SRRM2: variants seen among roughly 807,000 people sequenced by gnomAD.
SRRM2 encodes the protein serine/arginine repetitive matrix protein 2.
In SRRM2, 30 loss-of-function variants were observed where a neutral mutation model predicts 213.8. That is an observed-to-expected ratio of 0.14 (90% CI 0.10 to 0.19). SRRM2 has a LOEUF of 0.19. Among genes scored for constraint, SRRM2 ranks in the 10% least tolerant of loss-of-function variants. The pLI is 1.00. For missense variants in SRRM2, 4,904 were observed against 3,647.0 expected, an observed-to-expected ratio of 1.34 and a Z score of -8.88; for synonymous variants, 2,025 against 1,377.7, an observed-to-expected ratio of 1.47 and a Z score of -10.40.
rs558758099 is a variant in SRRM2, at chr16:2,755,758, G to A, written c.-31-576G>A. Among the ~76,000 whole-genome samples, 4 of 152,176 alleles carry A rather than the reference G, an allele frequency of 2.6e-5. No homozygotes were observed. The South Asian group carries it at 8.3e-4, about 32-fold the overall frequency. Reference sequence around the variant, plus strand: ...CACATTCTGAACCAACTAGTCTGCTGTTCAGATACCTAGGGGCTGTGTAGT... The same window carrying A: ...CACATTCTGAACCAACTAGTCTGCTATTCAGATACCTAGGGGCTGTGTAGT... On this transcript the variant is annotated intron_variant, in intron 1 of 14. Coordinates refer to ENST00000301740, the MANE Select transcript of SRRM2 (RefSeq NM_016333.4).
In SRRM2 at chr16:2,767,550, C is replaced by T. The variant is rs761938466; in HGVS notation, c.7022C>T (p.Pro2341Leu). The T allele has an allele frequency of 1.9e-6, 3 of 1,614,236 alleles. No individual in the cohort carries two copies. Among genetic ancestry groups the T allele is most frequent in the African/African-American group, 2.7e-5 (2 of 75,058 alleles). Reference sequence around the variant, plus strand: ...CCAGCCTCTGCAAACCTGGTGGGTCCTCGGTCTGCACATGCCACAGCTCCT... The same window carrying T: ...CCAGCCTCTGCAAACCTGGTGGGTCTTCGGTCTGCACATGCCACAGCTCCT... ...QAPASANLVG[P>L]RSAHATAPVN... Residue 2341 changes from proline to leucine, a missense_variant, in exon 11 of 15, where the codon CCT becomes CTT. Transcript: ENST00000301740.
At chr16:2,769,615 ACT>A (rs1275187910) in intron 12 of SRRM2, 2 of 600,618 alleles carry the variant, frequency 3.3e-6, no homozygotes, top group Non-Finnish European at 6.3e-6. Flanking sequence ...TCTTCTCCCG[ACT>A]CTGTCCACAG....
In SRRM2 at chr16:2,766,183, A is replaced by C; in HGVS notation, c.5655A>C (p.Arg1885=). The change falls in exon 11 of 15, where the codon CGA becomes CGC. Residue 1885 remains arginine, a synonymous_variant. Transcript: ENST00000301740. This position sits in a 1 kb window ranked among gnomAD's most constrained non-coding sequence, Gnocchi z 7.0. ...GGTCCAGAACCCCCCTGATAAGCCG[A>C]CGTAGGTCCAGATCTCGAACTTCAC... ...RSRSRTPLIS[R]RRSRSRTSPV... The C allele has an allele frequency of 6.2e-7, 1 of 1,614,106 alleles. No individual in the cohort carries two copies. Among genetic ancestry groups the C allele is most frequent in the Non-Finnish European group, 8.5e-7 (1 of 1,180,018 alleles).
Position 2,757,900 on chromosome 16 carries a change from C to A in SRRM2, c.470C>A (p.Ala157Asp), listed in dbSNP as rs1404475881. ...DGSSFDPQRR[A>D]REAKQPAPEP... ...AGCTCTTTTGATCCTCAGCGTCGTGCCCGAGAAGCTAAACAACCAGCTCCT... is the reference window on the plus strand; with the variant it reads ...AGCTCTTTTGATCCTCAGCGTCGTGACCGAGAAGCTAAACAACCAGCTCCT... Residue 157 changes from alanine to aspartate, a missense_variant, in exon 4 of 15, where the codon GCC becomes GAC. Coordinates refer to ENST00000301740, the MANE Select transcript of SRRM2 (RefSeq NM_016333.4). 1 of 1,613,996 alleles carries A rather than the reference C, an allele frequency of 6.2e-7. No individual in the cohort carries two copies.
intron 12 of SRRM2, chr16:2,769,602 T>C (rs912927407): frequency 9.7e-6 from 6 of 620,882 alleles, no homozygotes; most frequent in African/African-American, 3.6e-5. Context: ...CTGGCCACCA[T>C]CATCTTCTCC....
At chr16:2,761,033 T>C (rs1193698011) in intron 10 of SRRM2, among the ~76,000 whole-genome samples, 1 of 152,256 alleles carries the variant, frequency 6.6e-6, no homozygotes, top group African/African-American at 2.4e-5. Context: ...ACAAGTTGGT[T>C]GACCTCAGAA....
In SRRM2 at chr16:2,768,280, T is replaced by C. The variant is rs999257047; in HGVS notation, c.7733+19T>C. 8 of 1,525,024 alleles carry C rather than the reference T, an allele frequency of 5.2e-6. No individual in the cohort carries two copies. Among genetic ancestry groups the C allele is most frequent in the Admixed American group, 2.2e-5 (1 of 45,464 alleles). The allele number at this position is 1,525,024 out of a possible 1,614,324, so 94.5% of individuals were successfully genotyped here. Reference sequence around the variant, plus strand: ...TGAAGAGGTGAGGGAGCTTGACTTTTAGAAATCTTCAGTGGGGGAGGTATT... The same window carrying C: ...TGAAGAGGTGAGGGAGCTTGACTTTCAGAAATCTTCAGTGGGGGAGGTATT... On this transcript the variant is annotated intron_variant, in intron 11 of 14. Transcript: ENST00000301740.
chr16:2,765,783 G>C lies in SRRM2; in HGVS notation c.5255G>C (p.Arg1752Pro), dbSNP rs114848780. The C allele has an allele frequency of 2.8e-3, 4,480 of 1,613,968 alleles. 114 individuals carry two copies. In the African/African-American group the frequency reaches 0.051, roughly 18 times the overall value. ...CGACGGCGCTCAGCTTCATCTCCACGCACTAAGACAACCTCAAGGAGAGGC... is the reference window on the plus strand; with the variant it reads ...CGACGGCGCTCAGCTTCATCTCCACCCACTAAGACAACCTCAAGGAGAGGC... ...SRRRRSASSP[R>P]TKTTSRRGRS... The change falls in exon 11 of 15, where the codon CGC becomes CCC. Residue 1752 changes from arginine (R) to proline (P), a missense_variant. Physicochemically the swap from Arg to Pro is moderately radical, Grantham distance 103. Coordinates refer to ENST00000301740, the MANE Select transcript of SRRM2 (RefSeq NM_016333.4).
chr16:2,769,889 A>C, intron 12 of SRRM2: 1 of 462,476 alleles, frequency 2.2e-6, no homozygotes, highest in Non-Finnish European at 4.3e-6. Context: ...CAGTCTAAGG[A>C]GAGCCCATGC....
At position 2,771,012 on chromosome 16, in the gene SRRM2, C is replaced by A. The variant is rs1567252710; in HGVS notation, c.*145C>A. 1 of 652,554 alleles carries A rather than the reference C, an allele frequency of 1.5e-6. No individual in the cohort carries two copies. The highest frequency in any genetic ancestry group is 2.4e-5 in the South Asian group (1 of 41,410). 40.4% of individuals were successfully genotyped at this position (652,554 alleles called of 1,614,324 possible). On this transcript the variant is annotated 3_prime_UTR_variant, in exon 15 of 15. Coordinates refer to ENST00000301740, the MANE Select transcript of SRRM2 (RefSeq NM_016333.4). ...GGATGGAGGGCTCCCTTTCCCTCCC[C>A]TTTTTTTTTTCTTTGTTCCTGTGAA... is the stretch of plus-strand genomic sequence containing the variant.
rs377513760 is a variant in SRRM2, at chr16:2,763,238, C to G, written c.2710C>G (p.Pro904Ala). ...SSPPRVKSST[P>A]PRQSPSRSSS... ...TCCTCCTAGAGTGAAATCTAGCACA[C>G]CTCCCAGACAGAGCCCATCTAGGTC... The change falls in exon 11 of 15, where the codon CCT (proline) becomes GCT (alanine). Residue 904 changes from proline to alanine, a missense_variant. Physicochemically the swap from Pro to Ala is conservative, Grantham distance 27. Coordinates refer to ENST00000301740, the MANE Select transcript of SRRM2 (RefSeq NM_016333.4). 1 of 1,614,110 alleles carries G rather than the reference C, an allele frequency of 6.2e-7. No homozygotes were observed.
In SRRM2 at chr16:2,766,631, C is replaced by T; in HGVS notation, c.6103C>T (p.Pro2035Ser). The change falls in exon 11 of 15, where the codon CCA becomes TCA. Residue 2035 changes from proline to serine, a missense_variant. Pro to Ser is a moderately conservative substitution (Grantham distance 74, BLOSUM62 -1). Coordinates refer to ENST00000301740, the MANE Select transcript of SRRM2 (RefSeq NM_016333.4). This position sits in a 1 kb window ranked among gnomAD's most constrained non-coding sequence, Gnocchi z 7.0. ...TCGGCGCCGCTCTAGATCTCGAACG[C>T]CACTGTTACCACGCAAACGTTCTCG... The part of the protein sequence containing the change: ...AIRRRSRSRT[P>S]LLPRKRSRSR... 1 of 1,613,506 alleles carries T rather than the reference C, an allele frequency of 6.2e-7. No individual in the cohort carries two copies. Among genetic ancestry groups the T allele is most frequent in the Non-Finnish European group, 8.5e-7 (1 of 1,179,762 alleles).
Position 2,761,669 on chromosome 16 carries a change from C to T in SRRM2, c.1141C>T (p.Leu381Phe). Residue 381 changes from leucine (L) to phenylalanine (F), a missense_variant, in exon 11 of 15, where the codon CTT becomes TTT. Physicochemically the swap from Leu to Phe is conservative, Grantham distance 22 (BLOSUM62 0). Coordinates refer to ENST00000301740, the MANE Select transcript of SRRM2 (RefSeq NM_016333.4). ...GCGACATGGCGGCTCCCCACAACCC[C>T]TTGCAACCACCCCCTTAAGCCAGGA... ...AERHGGSPQP[L>F]ATTPLSQEPV... 1.3e-5 allele frequency: 21 copies of T among 1,596,208 alleles called. No individual in the cohort carries two copies. Among genetic ancestry groups the T allele is most frequent in the Non-Finnish European group, 1.8e-5 (21 of 1,171,512 alleles).
At position 2,770,397 on chromosome 16, in the gene SRRM2, G is replaced by C. The variant is rs769465447; in HGVS notation, c.8067G>C (p.Arg2689=). The stretch of plus-strand genomic sequence containing the variant: ...CAATAGACTCCCTCAGGGACTCTCG[G>C]TCCCTCAGCTACTCGCCTGTGGAGC... ...RKPIDSLRDS[R]SLSYSPVERR... is the part of the protein sequence containing the mutation. Residue 2689 remains arginine (R), a synonymous_variant, in exon 13 of 15, where the codon CGG becomes CGC. Transcript: ENST00000301740. 6.2e-7 allele frequency: 1 copy of C among 1,609,872 alleles called. No individual in the cohort carries two copies. Among genetic ancestry groups the C allele is most frequent in the Non-Finnish European group, 8.5e-7 (1 of 1,178,206 alleles).
chr16:2,765,085 A>G lies in SRRM2; in HGVS notation c.4557A>G (p.Ser1519=), dbSNP rs192020162. Reference sequence around the variant, plus strand: ...CCCCCCAGAGAGAAAGAAGCGGGTCAGAATCATCAGTTGATCAGAAAACTG... The same window carrying G: ...CCCCCCAGAGAGAAAGAAGCGGGTCGGAATCATCAGTTGATCAGAAAACTG... ...CLTPQRERSG[S]ESSVDQKTVA... The change falls in exon 11 of 15, where the codon TCA becomes TCG. Residue 1519 remains serine (S), a synonymous_variant. Transcript: ENST00000301740. 1 of 1,614,210 alleles carries G rather than the reference A, an allele frequency of 6.2e-7. No homozygotes were observed. Among genetic ancestry groups the G allele is most frequent in the African/African-American group, 1.3e-5 (1 of 75,066 alleles).
At chr16:2,757,994 C>A in intron 4 of SRRM2, 49 bp downstream of exon 4, 1 of 1,562,776 alleles carries the variant, frequency 6.4e-7, no homozygotes, top group Non-Finnish European at 8.7e-7. Context: ...TGATTGTAAG[C>A]TCCATGCTCT....
In SRRM2 at chr16:2,769,147, C is replaced by T. The variant is rs1596295096; in HGVS notation, c.7884C>T (p.Ser2628=). The part of the protein sequence containing the change: ...SSSSSSSSSS[S]SSSSSSSSSS... ...CCTCCTCCTCCTCCTCCTCTTCTTC[C>T]TCCTCCTCTTCCTCTTCTTCTTCTT... Residue 2628 remains serine (S), a synonymous_variant, in exon 12 of 15, where the codon TCC becomes TCT. Coordinates refer to ENST00000301740, the MANE Select transcript of SRRM2 (RefSeq NM_016333.4). 5.0e-6 allele frequency: 8 copies of T among 1,610,484 alleles called. No homozygotes were observed. The highest frequency in any genetic ancestry group is 1.1e-5 in the South Asian group (1 of 90,920).
Position 2,765,745 on chromosome 16 carries a change from G to A in SRRM2, c.5217G>A (p.Ser1739=), listed in dbSNP as rs368092678. Residue 1739 remains serine (S), a synonymous_variant, in exon 11 of 15, where the codon TCG becomes TCA. Transcript: ENST00000301740. Reference sequence around the variant, plus strand: ...CTTCCCCGGAGCCAGCCGAAAAATCGAGGTCTTCACGCCGACGGCGCTCAG... The same window carrying A: ...CTTCCCCGGAGCCAGCCGAAAAATCAAGGTCTTCACGCCGACGGCGCTCAG... ...SVSSPEPAEK[S]RSSRRRRSAS... 4.3e-6 allele frequency: 7 copies of A among 1,614,130 alleles called. No homozygotes were observed. The highest frequency in any genetic ancestry group is 3.4e-6 in the Non-Finnish European group (4 of 1,180,032).
rs758672481 is a variant in SRRM2, at chr16:2,759,004, C to T, written c.613C>T (p.Pro205Ser). The change falls in exon 6 of 15, where the codon CCT becomes TCT. Residue 205 changes from proline (P) to serine (S), a missense_variant. Transcript: ENST00000301740. Reference protein sequence around the residue: ...DRGRRSESSSPRRERKKSSKK... With the variant: ...DRGRRSESSSSRRERKKSSKK... ...CTTTAGCAGGTCAGAGAGCAGCTCT[C>T]CTCGACGGGAGAGAAAGAAAAGCTC... 8.1e-6 allele frequency: 13 copies of T among 1,613,928 alleles called. No individual in the cohort carries two copies. Among genetic ancestry groups the T allele is most frequent in the African/African-American group, 4.0e-5 (3 of 74,870 alleles).
Sources: allele counts gnomAD v4.1 joint callset (sites outside exome capture counted in the v4.1 genomes callset), GRCh38; gene constraint gnomAD v4.1.1; non-coding constraint Gnocchi (gnomAD v3.1); transcripts MANE v1.5; gene names NCBI Gene and HGNC (gene_info 2026-07-23, HGNC 2026-07-21).